Variants in MGAT4A observed in about 807,000 individuals in gnomAD.
The protein encoded by MGAT4A is N-acetylglucosaminyltransferase IVa.
In MGAT4A, 33 loss-of-function variants were observed where a neutral mutation model predicts 74.1. The observed-to-expected ratio is 0.45, with a 90% CI of 0.34 to 0.60. The LOEUF is 0.60. MGAT4A is among the 20% of genes least tolerant of loss of function. The pLI is 0.02. For missense variants in MGAT4A, 479 were observed against 628.3 expected (o/e 0.76, Z 2.54); for synonymous variants, 198 against 210.4 (o/e 0.94, Z 0.51).
At chr2:98,683,107 T>TA (rs891595927) in intron 2 of MGAT4A, among the ~76,000 whole-genome samples, 1 of 145,772 alleles carries the variant, frequency 6.9e-6, no homozygotes, top group Non-Finnish European at 1.5e-5. Context: ...ACAAAAAAAA[T>TA]AAAAAAAATA....
intron 5 of MGAT4A, among the ~76,000 whole-genome samples, chr2:98,660,418 G>GCGCACACACA (rs1282817406): frequency 1.6e-4 from 22 of 141,720 alleles, no homozygotes; most frequent in East Asian, 6.2e-4. Context: ...ACACGCACGC[G>GCGCACACACA]CACACACACA....
chr2:98,625,384 G>A lies in MGAT4A; in HGVS notation c.*182C>T. 2 of 1,419,624 alleles carry A rather than the reference G, an allele frequency of 1.4e-6. No individual in the cohort carries two copies. Among genetic ancestry groups the A allele is most frequent in the East Asian group, 5.3e-5 (2 of 37,910 alleles). The allele number at this position is 1,419,624 out of a possible 1,614,324, so 87.9% of individuals were successfully genotyped here. On this transcript the variant is annotated 3_prime_UTR_variant, in exon 16 of 16. Transcript: ENST00000393487. ...TGAGTCAAGTTAAAATCTGAGGACA[G>A]CTTAGTTTCAAACAAATACAATTAT...
intron 12 of MGAT4A, among the ~76,000 whole-genome samples, chr2:98,637,584 T>C (rs1701341511): frequency 6.6e-6 from 1 of 152,042 alleles, no homozygotes; most frequent in Non-Finnish European, 1.5e-5. Flanking sequence ...GTTCTCAGGG[T>C]GTGGGGAAGG....
At chr2:98,699,219 G>A (rs2104311684) in intron 2 of MGAT4A, among the ~76,000 whole-genome samples, 1 of 152,312 alleles carries the variant, frequency 6.6e-6, no homozygotes, top group Admixed American at 6.5e-5. Flanking sequence ...AATGTCAAAG[G>A]CTATTACTGC....
chr2:98,683,341 G>A (rs1365483528), intron 2 of MGAT4A, among the ~76,000 whole-genome samples: 2 of 152,142 alleles, frequency 1.3e-5, no homozygotes, highest in Non-Finnish European at 2.9e-5. Context: ...TCGAACTGTG[G>A]TAATGTAAGA....
rs1434876501 is a variant in MGAT4A at position 98,636,608 on chromosome 2, A to C, written c.1323-13T>G. On this transcript the variant is annotated splice_polypyrimidine_tract_variant and intron_variant, in intron 12 of 15. Transcript: ENST00000393487. ...ATGGAACAAATAACTGAAAATACAAACATCAAAATAAAAACACAAGTCGGG... is the reference window on the plus strand; with the variant it reads ...ATGGAACAAATAACTGAAAATACAACCATCAAAATAAAAACACAAGTCGGG... 1 of 1,605,160 alleles carries C rather than the reference A, an allele frequency of 6.2e-7. No homozygotes were observed. The highest frequency in any genetic ancestry group is 2.2e-5 in the East Asian group (1 of 44,794).
At chr2:98,637,994 T>A (rs1701349375) in intron 12 of MGAT4A, among the ~76,000 whole-genome samples, 1 of 152,178 alleles carries the variant, frequency 6.6e-6, no homozygotes, top group Non-Finnish European at 1.5e-5. Flanking sequence ...AAAACCACAG[T>A]CTGCAAGATG....
intron 10 of MGAT4A, among the ~76,000 whole-genome samples, chr2:98,640,815 A>G (rs1038287846): frequency 8.5e-5 from 13 of 152,212 alleles, no homozygotes; most frequent in African/African-American, 3.1e-4. Flanking sequence ...ACATGTCAAC[A>G]AAGATTTGAC....
At chr2:98,668,829 G>A (rs1701873644) in intron 4 of MGAT4A, among the ~76,000 whole-genome samples, 1 of 152,262 alleles carries the variant, frequency 6.6e-6, no homozygotes, top group Admixed American at 6.5e-5. Context: ...GTGAGACATG[G>A]AGTCAAAAGA....
At chr2:98,627,808 T>G (rs376742726) in intron 14 of MGAT4A, among the ~76,000 whole-genome samples, 8 of 152,242 alleles carry the variant, frequency 5.3e-5, no homozygotes, top group African/African-American at 1.7e-4. Flanking sequence ...AACTGCTGTG[T>G]GGCAGGGCAA....
intron 14 of MGAT4A, among the ~76,000 whole-genome samples, chr2:98,634,810 G>A (rs1575242168): frequency 6.6e-6 from 1 of 150,772 alleles, no homozygotes. Flanking sequence ...TGTGGTAGAC[G>A]GCTATGTGGC....
At position 98,624,909 on chromosome 2, in the gene MGAT4A, G is replaced by C. The variant is rs1701122085; in HGVS notation, c.*657C>G. 1.0e-6 allele frequency: 1 copy of C among 983,920 alleles called. No homozygotes were observed. The highest frequency in any genetic ancestry group is 1.2e-6 in the Non-Finnish European group (1 of 828,356). The allele number at this position is 983,920 out of a possible 1,614,324, so 60.9% of individuals were successfully genotyped here. ...TGAAAATATTTTGTTCAGTCACTGT[G>C]ATTATAAAAGTACTTCAATTAAGAA... On this transcript the variant is annotated 3_prime_UTR_variant, in exon 16 of 16. Transcript: ENST00000393487.
At position 98,726,240 on chromosome 2, in the gene MGAT4A, T is replaced by C; in HGVS notation, c.93A>G (p.Lys31=). The part of the protein sequence containing the change: ...LSWYTTWQNG[K]EKLIAYQREF... ...CATTTTCCGAGTCATTTTCCTTACCTTTCCCATTTTGCCATGTAGTATACC... is the reference window on the plus strand; with the variant it reads ...CATTTTCCGAGTCATTTTCCTTACCCTTCCCATTTTGCCATGTAGTATACC... Residue 31 remains lysine (K), a splice_region_variant and synonymous_variant, in exon 2 of 16, where the codon AAA becomes AAG. Transcript: ENST00000393487. 6.2e-7 allele frequency: 1 copy of C among 1,612,512 alleles called. No individual in the cohort carries two copies.
intron 9 of MGAT4A, 77 bp downstream of exon 9, chr2:98,645,351 A>G: frequency 2.8e-6 from 3 of 1,090,402 alleles, no homozygotes; most frequent in Non-Finnish European, 3.9e-6. Context: ...CATCTTTAGG[A>G]CAAGTAGCTA....
chr2:98,659,344 G>A (rs1235468558), intron 5 of MGAT4A, among the ~76,000 whole-genome samples: 1 of 152,154 alleles, frequency 6.6e-6, no homozygotes, highest in East Asian at 1.9e-4. Context: ...TTTCTCCGGT[G>A]TGTGTGTCCA....
chr2:98,720,377 T>G, intron 2 of MGAT4A, among the ~76,000 whole-genome samples: 1 of 152,186 alleles, frequency 6.6e-6, no homozygotes, highest in Non-Finnish European at 1.5e-5. Context: ...GCAACTTTGT[T>G]TCTGGTCTGA....
At chr2:98,681,699 T>C (rs1702062526) in intron 2 of MGAT4A, among the ~76,000 whole-genome samples, 1 of 152,148 alleles carries the variant, frequency 6.6e-6, no homozygotes, top group Non-Finnish European at 1.5e-5. Context: ...CTCACCCTTA[T>C]AATCCCAGCA....
At chr2:98,645,603 T>G in intron 8 of MGAT4A, 61 bp from the exon 9 acceptor site, 7 of 1,162,340 alleles carry the variant, frequency 6.0e-6, no homozygotes, top group South Asian at 2.1e-5. Flanking sequence ...GAGAGAAGGA[T>G]ATTATTATGG....
chr2:98,635,208 A>T lies in MGAT4A; in HGVS notation c.1468+14T>A, dbSNP rs773500746. ...CCAGAAAAATAAAGGCCATTTTACT[A>T]AAGTAGATATTACCTATTCTGAAAT... On this transcript the variant is annotated intron_variant, in intron 14 of 15. Coordinates refer to ENST00000393487, the MANE Select transcript of MGAT4A (RefSeq NM_012214.3). 1 of 1,583,474 alleles carries T rather than the reference A, an allele frequency of 6.3e-7. No individual in the cohort carries two copies. The highest frequency in any genetic ancestry group is 8.6e-7 in the Non-Finnish European group (1 of 1,161,888).
Sources: gnomAD v4.1 joint callset for allele counts (sites outside exome capture counted in the v4.1 genomes callset) on GRCh38, gnomAD v4.1.1 for gene constraint, MANE v1.5 for transcripts, NCBI Gene and HGNC (gene_info 2026-07-23, HGNC 2026-07-21) for gene names.